LCLAT1: variants seen among roughly 807,000 people sequenced by gnomAD.
LCLAT1 encodes the protein 1-AGP acyltransferase 8.
LCLAT1 carries 11 observed loss-of-function variants against 30.7 expected under a neutral mutation model. The ratio of observed to expected loss-of-function variants is 0.36; its 90% confidence interval spans 0.23 to 0.59. LCLAT1 has a LOEUF of 0.59. LCLAT1 is among the 20% of genes least tolerant of loss of function. The pLI, the probability that LCLAT1 is intolerant of heterozygous loss-of-function variation, is 0.77. For synonymous variants in LCLAT1, 155 were observed against 151.3 expected (o/e 1.02, Z -0.18); for missense variants, 402 against 458.6 (o/e 0.88, Z 1.13).
chr2:30,476,479 C>T (rs1015422003), intron 1 of LCLAT1: 7 of 456,504 alleles, frequency 1.5e-5, no homozygotes, highest in East Asian at 6.9e-5. Flanking sequence ...CTTACAGGAA[C>T]GCAGGCCCTA....
chr2:30,485,162 A>G (rs999803284), intron 1 of LCLAT1, among the ~76,000 whole-genome samples: 1 of 152,158 alleles, frequency 6.6e-6, no homozygotes, highest in African/African-American at 2.4e-5. Context: ...ATATACTACT[A>G]TTAGAAACCA....
intron 2 of LCLAT1, among the ~76,000 whole-genome samples, chr2:30,530,529 C>T (rs921873489): frequency 6.6e-6 from 1 of 152,284 alleles, no homozygotes; most frequent in East Asian, 1.9e-4. Context: ...TGAGATGTTC[C>T]TGGACACATG....
At chr2:30,576,071 C>T (rs1665982094) in intron 5 of LCLAT1, among the ~76,000 whole-genome samples, 1 of 152,008 alleles carries the variant, frequency 6.6e-6, no homozygotes, top group Non-Finnish European at 1.5e-5. Flanking sequence ...AAATTATATA[C>T]AGTTGTATTT....
intron 1 of LCLAT1, among the ~76,000 whole-genome samples, chr2:30,460,456 G>T (rs1174256633): frequency 6.6e-6 from 1 of 152,096 alleles, no homozygotes; most frequent in Non-Finnish European, 1.5e-5. Context: ...TAATGCTTTT[G>T]ATGTTTTTTC....
chr2:30,492,108 C>T (rs558039078), intron 1 of LCLAT1, among the ~76,000 whole-genome samples: 41 of 152,224 alleles, frequency 2.7e-4, no homozygotes, highest in African/African-American at 7.9e-4. Context: ...AAAAAATACA[C>T]ATTTTCTGGC....
chr2:30,577,968 A>G (rs906421967), intron 5 of LCLAT1, among the ~76,000 whole-genome samples: 22 of 152,160 alleles, frequency 1.4e-4, no homozygotes, highest in South Asian at 2.1e-4. Context: ...AATAATCTAC[A>G]TACACTACAT....
intron 5 of LCLAT1, among the ~76,000 whole-genome samples, chr2:30,621,006 C>G (rs187123285): frequency 2.6e-5 from 4 of 152,202 alleles, no homozygotes; most frequent in Admixed American, 6.5e-5. Context: ...CACCTGAATC[C>G]ACGATGATCT....
chr2:30,501,964 A>C (rs1196591734), intron 1 of LCLAT1, among the ~76,000 whole-genome samples: 1 of 152,246 alleles, frequency 6.6e-6, no homozygotes, highest in African/African-American at 2.4e-5. Flanking sequence ...ACTTTTGTCC[A>C]GTTCTTTAAC....
intron 1 of LCLAT1, among the ~76,000 whole-genome samples, chr2:30,477,246 A>G (rs1683090457): frequency 6.6e-6 from 1 of 152,218 alleles, no homozygotes; most frequent in Non-Finnish European, 1.5e-5. Flanking sequence ...TAGACTAAAT[A>G]GAAATCGATT....
rs1664841107 is a variant in LCLAT1, at chr2:30,554,813, G to A, written c.365-7333G>A. Among the ~76,000 whole-genome samples the A allele has an allele frequency of 2.0e-5, 3 of 152,118 alleles. 1 individual carries two copies. ...GCTGACAAATTAGTTAGATGATCAAGCCAAGGGATTATCCTTAAAGTTGTC... is the reference window on the plus strand; with the variant it reads ...GCTGACAAATTAGTTAGATGATCAAACCAAGGGATTATCCTTAAAGTTGTC... On this transcript the variant is annotated intron_variant, in intron 3 of 5. Transcript: ENST00000379509.
rs1362879814 is a variant in LCLAT1, at chr2:30,641,680, T to G, written c.*1061T>G. ...TTAAAACCAAAATGAAACACAAAAA[T>G]TAATCCTTAATAATGATAGCAAGTG... On this transcript the variant is annotated 3_prime_UTR_variant, in exon 6 of 6. Coordinates refer to ENST00000379509, the MANE Select transcript of LCLAT1 (RefSeq NM_001002257.3). 1 of 152,142 alleles carries G rather than the reference T, an allele frequency of 6.6e-6. No homozygotes were observed. The highest frequency in any genetic ancestry group is 2.4e-5 in the African/African-American group (1 of 41,424). The allele number at this position is 152,142 out of a possible 1,614,324, so 9.4% of individuals were successfully genotyped here.
At chr2:30,568,480 C>T (rs897690005) in intron 5 of LCLAT1, among the ~76,000 whole-genome samples, 2 of 148,704 alleles carry the variant, frequency 1.3e-5, no homozygotes, top group Admixed American at 6.7e-5. Flanking sequence ...GGATATTTCT[C>T]CAAGTGGCAA....
At chr2:30,488,261 A>C (rs574672850) in intron 1 of LCLAT1, among the ~76,000 whole-genome samples, 6 of 152,250 alleles carry the variant, frequency 3.9e-5, no homozygotes, top group Non-Finnish European at 7.3e-5. Flanking sequence ...AATTTGTATC[A>C]GATTACTTTG....
intron 3 of LCLAT1, among the ~76,000 whole-genome samples, chr2:30,560,283 G>GGGGT (rs1553374575): frequency 4.8e-5 from 7 of 144,584 alleles, no homozygotes; most frequent in East Asian, 2.0e-4. Context: ...AATAAAGTGT[G>GGGGT]GTGTGTGTGT....
intron 1 of LCLAT1, among the ~76,000 whole-genome samples, chr2:30,500,218 TAAAC>T (rs1299975012): frequency 6.6e-6 from 1 of 152,212 alleles, no homozygotes; most frequent in Non-Finnish European, 1.5e-5. Context: ...AAGTATTTAA[TAAAC>T]AAAATCTAAT....
At chr2:30,481,254 G>A (rs1308003496) in intron 1 of LCLAT1, among the ~76,000 whole-genome samples, 1 of 152,208 alleles carries the variant, frequency 6.6e-6, no homozygotes, top group Non-Finnish European at 1.5e-5. Context: ...GGGAAATTAT[G>A]TAACTGGATT....
intron 1 of LCLAT1, among the ~76,000 whole-genome samples, chr2:30,468,103 A>T (rs1682543949): frequency 6.6e-6 from 1 of 152,168 alleles, no homozygotes; most frequent in African/African-American, 2.4e-5. Flanking sequence ...ATCCGTCTTG[A>T]ATTAATTTTT....
chr2:30,583,925 C>T (rs1480189576), intron 5 of LCLAT1, among the ~76,000 whole-genome samples: 3 of 151,496 alleles, frequency 2.0e-5, no homozygotes, highest in African/African-American at 7.3e-5. Flanking sequence ...TTTTAAGTTC[C>T]AGGATACATA....
intron 1 of LCLAT1, among the ~76,000 whole-genome samples, chr2:30,515,985 G>A (rs964528723): frequency 2.6e-5 from 4 of 152,092 alleles, no homozygotes; most frequent in Admixed American, 6.6e-5. Context: ...TTCCTAGGCC[G>A]ACTAAGAATT....
Sources: gnomAD v4.1 joint callset for allele counts (sites outside exome capture counted in the v4.1 genomes callset) on GRCh38, gnomAD v4.1.1 for gene constraint, MANE v1.5 for transcripts, NCBI Gene and HGNC (gene_info 2026-07-23, HGNC 2026-07-21) for gene names.